The following PREX2 variants were observed in gnomAD, a reference collection of about 807,000 sequenced individuals.
PREX2 encodes the protein phosphatidylinositol 3,4,5-trisphosphate-dependent Rac exchanger 2 protein.
In PREX2, 107 loss-of-function variants were observed where a neutral mutation model predicts 203.2. The ratio of observed to expected loss-of-function variants is 0.53; its 90% CI spans 0.45 to 0.62. The LOEUF is 0.62. Ranked by LOEUF, PREX2 falls within the 20% of genes least tolerant of loss-of-function variation. PREX2 has a pLI of 0.00. For synonymous variants in PREX2, 672 were observed against 663.6 expected, an observed-to-expected ratio of 1.01 and a Z score of -0.19; for missense variants, 1,777 against 1,955.9, an observed-to-expected ratio of 0.91 and a Z score of 1.72.
intron 10 of PREX2, among the ~76,000 whole-genome samples, chr8:68,058,358 C>T (rs973621557): frequency 6.6e-6 from 1 of 152,180 alleles, no homozygotes; most frequent in Non-Finnish European, 1.5e-5. Context: ...TAGTAAATCT[C>T]ACTATGTGCC....
At chr8:67,996,242 C>T (rs1262874366) in intron 1 of PREX2, among the ~76,000 whole-genome samples, 1 of 152,046 alleles carries the variant, frequency 6.6e-6, no homozygotes, top group Non-Finnish European at 1.5e-5. Context: ...GTCAGCCATA[C>T]TGGAGTGCAG....
In PREX2 at chr8:67,962,257, C is replaced by T. The variant is rs547835160; in HGVS notation, c.141+9722C>T. Among the ~76,000 whole-genome samples, 10 of 152,180 alleles carry T rather than the reference C, an allele frequency of 6.6e-5. No homozygotes were observed. The East Asian group carries it at 1.9e-3, about 29-fold the overall frequency. ...TGTTTTCCCTTGGTGCCTTGTAATG[C>T]CTCAGCTTGGCCTTGCTTTCATGCT... On this transcript the variant is annotated intron_variant, in intron 1 of 39. Transcript: ENST00000288368.
At chr8:67,998,658 C>T (rs1370827903) in intron 1 of PREX2, among the ~76,000 whole-genome samples, 1 of 152,110 alleles carries the variant, frequency 6.6e-6, no homozygotes, top group African/African-American at 2.4e-5. Flanking sequence ...GTACTAAGTA[C>T]TCAGGTGGTG....
intron 1 of PREX2, 198 bp downstream of exon 1, chr8:67,952,733 A>G (rs1165030401): frequency 2.8e-6 from 2 of 723,442 alleles, no homozygotes; most frequent in South Asian, 1.6e-5. Flanking sequence ...GTGCCCCGAG[A>G]CTCACTGAGT....
intron 35 of PREX2, among the ~76,000 whole-genome samples, chr8:68,182,624 A>T (rs181728103): frequency 3.1e-4 from 47 of 152,170 alleles, no homozygotes; most frequent in African/African-American, 1.1e-3. Context: ...ATATAGTTTC[A>T]TAGTGTAAGT....
intron 39 of PREX2, among the ~76,000 whole-genome samples, chr8:68,227,862 G>T (rs12549980): frequency 6.6e-6 from 1 of 152,000 alleles, no homozygotes; most frequent in Non-Finnish European, 1.5e-5. Context: ...CTGCTCTGGG[G>T]AGGGATGTTT....
chr8:68,046,591 C>G (rs1808359845), intron 8 of PREX2, among the ~76,000 whole-genome samples: 1 of 152,096 alleles, frequency 6.6e-6, no homozygotes. Flanking sequence ...AAGAAAGACA[C>G]AAAATTGCAG....
chr8:68,105,882 A>C (rs1402487060), intron 23 of PREX2: 1 of 152,152 alleles, frequency 6.6e-6, no homozygotes, highest in Non-Finnish European at 1.5e-5. Context: ...TAAGCAATGC[A>C]TTACTGTATT....
intron 14 of PREX2, among the ~76,000 whole-genome samples, chr8:68,076,197 C>T (rs968395426): frequency 6.6e-6 from 1 of 152,202 alleles, no homozygotes; most frequent in Admixed American, 6.5e-5. Flanking sequence ...TGGTTCACGC[C>T]TGTAATCCCA....
At chr8:67,975,618 C>T (rs1022248174) in intron 1 of PREX2, among the ~76,000 whole-genome samples, 2 of 150,136 alleles carry the variant, frequency 1.3e-5, no homozygotes, top group Admixed American at 6.6e-5. Flanking sequence ...GAAGCAGTGC[C>T]TAAGTATTCT....
At chr8:68,189,010 A>G (rs760701465) in intron 35 of PREX2, among the ~76,000 whole-genome samples, 3 of 152,238 alleles carry the variant, frequency 2.0e-5, no homozygotes, top group Non-Finnish European at 2.9e-5. Flanking sequence ...TTTGCATTCT[A>G]GTGGGGAGTT....
In PREX2 at chr8:67,990,924, G is replaced by C. The variant is rs1027443971; in HGVS notation, c.142-26922G>C. Among the ~76,000 whole-genome samples the C allele has an allele frequency of 2.0e-5, 3 of 152,268 alleles. No individual in the cohort carries two copies. The East Asian group carries it at 5.8e-4, about 29-fold the overall frequency. ...TCAGCACTAAGCTCACCTCACCCAA[G>C]ATCCCCAGCAGCCTACCTAGATCAT... On this transcript the variant is annotated intron_variant, in intron 1 of 39. Coordinates refer to ENST00000288368, the MANE Select transcript of PREX2 (RefSeq NM_024870.4).
At chr8:68,064,104 A>G (rs1182095774) in intron 11 of PREX2, among the ~76,000 whole-genome samples, 1 of 152,138 alleles carries the variant, frequency 6.6e-6, no homozygotes, top group Non-Finnish European at 1.5e-5. Flanking sequence ...AAAGCAGCGT[A>G]TGCTTTCTCT....
chr8:68,044,628 T>A, intron 8 of PREX2, 38 bp downstream of exon 8: 2 of 1,405,386 alleles, frequency 1.4e-6, no homozygotes, highest in Non-Finnish European at 2.0e-6. Flanking sequence ...ATGCCAATAG[T>A]AAATAGAAAA....
chr8:68,133,468 A>G (rs547214567), intron 31 of PREX2, among the ~76,000 whole-genome samples: 28 of 152,366 alleles, frequency 1.8e-4, no homozygotes, highest in Non-Finnish European at 2.9e-4. Context: ...ATAGGAATTC[A>G]TATTCTTATA....
intron 1 of PREX2, among the ~76,000 whole-genome samples, chr8:68,016,162 G>A (rs1396731496): frequency 6.6e-6 from 1 of 152,144 alleles, no homozygotes; most frequent in African/African-American, 2.4e-5. Flanking sequence ...AAATTAGAAA[G>A]TGTACAAAGG....
At chr8:68,216,647 G>A (rs1812843896) in intron 37 of PREX2, among the ~76,000 whole-genome samples, 1 of 152,018 alleles carries the variant, frequency 6.6e-6, no homozygotes, top group Admixed American at 6.6e-5. Context: ...AGATCAATGT[G>A]GAAGAACATA....
At chr8:67,980,639 T>C (rs928899435) in intron 1 of PREX2, among the ~76,000 whole-genome samples, 4 of 152,134 alleles carry the variant, frequency 2.6e-5, no homozygotes, top group African/African-American at 9.7e-5. Context: ...ATAATCCCCA[T>C]GTGTCAAGGG....
rs375234294 is a variant in PREX2 at position 67,977,881 on chromosome 8, G to A, written c.141+25346G>A. Among the ~76,000 whole-genome samples, 368 of 152,234 alleles carry A rather than the reference G, an allele frequency of 2.4e-3. 10 individuals carry two copies. The South Asian group carries it at 0.062, about 26-fold the overall frequency. The stretch of plus-strand genomic sequence containing the variant: ...GCTCTGCATCCCCTCGCACAAACCT[G>A]CCCTATGCATCTCTTTCTGACTGTT... On this transcript the variant is annotated intron_variant, in intron 1 of 39. Coordinates refer to ENST00000288368, the MANE Select transcript of PREX2 (RefSeq NM_024870.4).
Sources: allele counts gnomAD v4.1 joint callset (sites outside exome capture counted in the v4.1 genomes callset), GRCh38; gene constraint gnomAD v4.1.1; transcripts MANE v1.5; gene names NCBI Gene and HGNC (gene_info 2026-07-23, HGNC 2026-07-21).